RTN1: variants seen among roughly 807,000 people sequenced by gnomAD.
RTN1 encodes reticulon-1.
RTN1 carries 25 observed loss-of-function variants against 65.5 expected under a neutral mutation model. The ratio of observed to expected loss-of-function variants is 0.38; its 90% CI spans 0.28 to 0.53. The LOEUF (loss-of-function observed/expected upper bound fraction) is 0.53, where lower values mean the gene tolerates loss of function less well. Ranked by LOEUF, RTN1 falls within the 20% of genes least tolerant of loss-of-function variation. RTN1 has a pLI of 0.79. For missense variants in RTN1, 983 were observed against 1,025.4 expected, an observed-to-expected ratio of 0.96 and a Z score of 0.57; for synonymous variants, 471 against 447.6, an observed-to-expected ratio of 1.05 and a Z score of -0.66.
In RTN1 at chr14:59,710,124, C is replaced by T. The variant is rs184884985; in HGVS notation, c.1765+16795G>A. ...GTGGCACGATCTCAGCTCACTGAAG[C>T]CTTACCCTCCCAGGCTCAAGTGATC... On this transcript the variant is annotated intron_variant, in intron 3 of 8. Coordinates refer to ENST00000267484, the MANE Select transcript of RTN1 (RefSeq NM_021136.3). Among the ~76,000 whole-genome samples the T allele has an allele frequency of 1.2e-4, 18 of 151,330 alleles. No homozygotes were observed. In the East Asian group the frequency reaches 3.3e-3, roughly 28 times the overall value.
At chr14:59,811,744 T>C (rs1198656508) in intron 1 of RTN1, among the ~76,000 whole-genome samples, 3 of 152,178 alleles carry the variant, frequency 2.0e-5, no homozygotes, top group Admixed American at 6.5e-5. Flanking sequence ...ACACTGGAGT[T>C]TCAACATGTC....
intron 3 of RTN1, among the ~76,000 whole-genome samples, chr14:59,663,224 T>A (rs1235830095): frequency 6.6e-6 from 1 of 152,174 alleles, no homozygotes; most frequent in East Asian, 1.9e-4. Flanking sequence ...TGTAGAAAAC[T>A]GAAACTGGAC....
chr14:59,745,625 T>C (rs1885199926), intron 2 of RTN1, 83 bp downstream of exon 2: 2 of 1,213,080 alleles, frequency 1.6e-6, no homozygotes, highest in Admixed American at 2.4e-5. Context: ...TGAATGAAAA[T>C]TGTCATTCCT....
Position 59,774,145 on chromosome 14 carries a change from G to C in RTN1, c.242-27664C>G, listed in dbSNP as rs574546515. The stretch of plus-strand genomic sequence containing the variant: ...ACAGTTCCACTTACATGAAAGAGAT[G>C]CTTTAAGTAGCAGAATTAAAACACA... On this transcript the variant is annotated intron_variant, in intron 1 of 8. Coordinates refer to ENST00000267484, the MANE Select transcript of RTN1 (RefSeq NM_021136.3). This position sits in a 1 kb window ranked among gnomAD's most constrained non-coding sequence, Gnocchi z 5.1. Among the ~76,000 whole-genome samples the C allele has an allele frequency of 4.5e-4, 68 of 151,738 alleles. No homozygotes were observed. Among genetic ancestry groups the C allele is most frequent in the African/African-American group, 1.6e-3 (66 of 41,044 alleles).
chr14:59,792,204 G>C (rs1212385527), intron 1 of RTN1, among the ~76,000 whole-genome samples: 1 of 152,072 alleles, frequency 6.6e-6, no homozygotes, highest in Non-Finnish European at 1.5e-5. Flanking sequence ...TTTGGGAGAG[G>C]GAGATTTTGT....
intron 3 of RTN1, among the ~76,000 whole-genome samples, chr14:59,688,780 A>G (rs1371720269): frequency 2.6e-5 from 4 of 152,178 alleles, no homozygotes; most frequent in African/African-American, 7.2e-5. Context: ...AAGAAAGAAA[A>G]CAACAATAAT....
intron 2 of RTN1, among the ~76,000 whole-genome samples, chr14:59,743,182 A>G (rs1885147829): frequency 6.6e-6 from 1 of 152,200 alleles, no homozygotes; most frequent in African/African-American, 2.4e-5. Context: ...ATATCATGTG[A>G]GCCAGATCTG....
chr14:59,825,100 G>A lies in RTN1; in HGVS notation c.241+45290C>T, dbSNP rs879471214. Among the ~76,000 whole-genome samples, 10 of 152,180 alleles carry A rather than the reference G, an allele frequency of 6.6e-5. No homozygotes were observed. Among genetic ancestry groups the A allele is most frequent in the Non-Finnish European group, 1.3e-4 (9 of 68,032 alleles). On this transcript the variant is annotated intron_variant, in intron 1 of 8. Coordinates refer to ENST00000267484, the MANE Select transcript of RTN1 (RefSeq NM_021136.3). This position sits in a 1 kb window ranked among gnomAD's most constrained non-coding sequence, Gnocchi z 4.2. Reference sequence around the variant, plus strand: ...TGACTCCAGTTAATAATACTATAGCGTACACGTGAAATTAACTTGTTCTAG... The same window carrying A: ...TGACTCCAGTTAATAATACTATAGCATACACGTGAAATTAACTTGTTCTAG...
intron 1 of RTN1, among the ~76,000 whole-genome samples, chr14:59,837,372 T>C (rs887931042): frequency 3.3e-5 from 5 of 152,000 alleles, no homozygotes; most frequent in African/African-American, 1.2e-4. Flanking sequence ...AAATGTGAAT[T>C]TGTTTAACCT....
chr14:59,814,716 C>CA (rs1329513708), intron 1 of RTN1, among the ~76,000 whole-genome samples: 1 of 152,192 alleles, frequency 6.6e-6, no homozygotes. Flanking sequence ...CTCATTCATT[C>CA]ACTCATGTAA....
intron 1 of RTN1, among the ~76,000 whole-genome samples, chr14:59,844,519 G>A (rs944264743): frequency 1.3e-5 from 2 of 152,178 alleles, no homozygotes; most frequent in African/African-American, 4.8e-5. Context: ...TAAATAATGA[G>A]TTGTCCTAGA....
chr14:59,639,549 G>C (rs1442481271), intron 3 of RTN1, among the ~76,000 whole-genome samples: 1 of 152,102 alleles, frequency 6.6e-6, no homozygotes, highest in Non-Finnish European at 1.5e-5. Context: ...TACTGCACTG[G>C]CTATGACCTC....
At chr14:59,753,750 C>A (rs906295720) in intron 1 of RTN1, among the ~76,000 whole-genome samples, 1 of 152,108 alleles carries the variant, frequency 6.6e-6, no homozygotes, top group African/African-American at 2.4e-5. Context: ...AGATGTGGGA[C>A]CTGAGAGAGC....
chr14:59,863,663 A>C (rs1887749197), intron 1 of RTN1, among the ~76,000 whole-genome samples: 1 of 152,020 alleles, frequency 6.6e-6, no homozygotes, highest in Non-Finnish European at 1.5e-5. Context: ...GTATATAAGC[A>C]GATCAGATCA....
chr14:59,853,865 T>A (rs943474785), intron 1 of RTN1, among the ~76,000 whole-genome samples: 1 of 88,358 alleles, frequency 1.1e-5, no homozygotes, highest in Non-Finnish European at 2.7e-5. Flanking sequence ...AACTTTTACT[T>A]TTTTTTTTTT....
intron 1 of RTN1, among the ~76,000 whole-genome samples, chr14:59,777,097 G>T (rs1309639944): frequency 6.6e-6 from 1 of 152,118 alleles, no homozygotes; most frequent in Non-Finnish European, 1.5e-5. Flanking sequence ...TGTCCTTCAG[G>T]CATGGAAATC....
Position 59,766,287 on chromosome 14 carries a change from G to C in RTN1, c.242-19806C>G, listed in dbSNP as rs2139554490. ...TTAATCTGTGCCTCAACACAAGGTA[G>C]TTTTCGAAATAAATGCTTACTGAAA... On this transcript the variant is annotated intron_variant, in intron 1 of 8. Coordinates refer to ENST00000267484, the MANE Select transcript of RTN1 (RefSeq NM_021136.3). This position sits in a 1 kb window ranked among gnomAD's most constrained non-coding sequence, Gnocchi z 4.4. Among the ~76,000 whole-genome samples, 1 of 152,192 alleles carries C rather than the reference G, an allele frequency of 6.6e-6. No individual in the cohort carries two copies. The highest frequency in any genetic ancestry group is 1.9e-4 in the East Asian group (1 of 5,178).
chr14:59,610,924 CA>C (rs1881928313), intron 3 of RTN1, among the ~76,000 whole-genome samples: 1 of 152,156 alleles, frequency 6.6e-6, no homozygotes, highest in Non-Finnish European at 1.5e-5. Context: ...GGCCCCCACC[CA>C]GGAATTGACT....
chr14:59,726,233 AC>A (rs753418880), intron 3 of RTN1, among the ~76,000 whole-genome samples: 2 of 152,174 alleles, frequency 1.3e-5, no homozygotes, highest in Non-Finnish European at 2.9e-5. Flanking sequence ...TTGAAGACTC[AC>A]CTCAAAATTT....
Sources: gnomAD v4.1 joint callset for allele counts (sites outside exome capture counted in the v4.1 genomes callset) on GRCh38, gnomAD v4.1.1 for gene constraint, Gnocchi (gnomAD v3.1) non-coding constraint, MANE v1.5 for transcripts, NCBI Gene and HGNC (gene_info 2026-07-23, HGNC 2026-07-21) for gene names.